Variants in CSMD1 observed in about 807,000 individuals in gnomAD.
CSMD1 encodes the protein CUB and Sushi multiple domains 1, also known as CUB and sushi domain-containing protein 1.
A neutral mutation model predicts 417.5 loss-of-function variants in CSMD1; 213 were observed. That is an observed-to-expected ratio of 0.51 (90% CI 0.46 to 0.57). The LOEUF (loss-of-function observed/expected upper bound fraction) is 0.57, where lower values mean the gene tolerates loss of function less well. Ranked by LOEUF, CSMD1 falls within the 20% of genes least tolerant of loss-of-function variation. CSMD1 has a pLI of 0.00. For missense variants in CSMD1, 6,923 were observed against 4,529.7 expected (o/e 1.53, Z -15.17); for synonymous variants, 2,862 against 1,736.8 (o/e 1.65, Z -16.11).
intron 5 of CSMD1, among the ~76,000 whole-genome samples, chr8:3,840,437 G>T (rs996085651): frequency 6.6e-6 from 1 of 152,236 alleles, no homozygotes; most frequent in Non-Finnish European, 1.5e-5. Flanking sequence ...TATTGTGTTA[G>T]TAGCAAGAGT....
chr8:4,641,031 C>T (rs1055172344), intron 1 of CSMD1, among the ~76,000 whole-genome samples: 2 of 151,284 alleles, frequency 1.3e-5, no homozygotes, highest in African/African-American at 4.8e-5. Context: ...ATTTCAATTT[C>T]AATTTCGATT....
chr8:3,940,841 G>C (rs1379946171), intron 5 of CSMD1, among the ~76,000 whole-genome samples: 1 of 151,038 alleles, frequency 6.6e-6, no homozygotes, highest in Non-Finnish European at 1.5e-5. Flanking sequence ...AACCCAAGAA[G>C]TTTATTAAAA....
chr8:4,153,530 C>G (rs982128648), intron 3 of CSMD1, among the ~76,000 whole-genome samples: 1 of 152,208 alleles, frequency 6.6e-6, no homozygotes, highest in Non-Finnish European at 1.5e-5. Context: ...AAAGCACCAG[C>G]TGGTCCCTCG....
intron 3 of CSMD1, among the ~76,000 whole-genome samples, chr8:4,329,401 A>G (rs1039544870): frequency 5.3e-5 from 8 of 152,124 alleles, no homozygotes; most frequent in African/African-American, 1.9e-4. Context: ...TGATTCTCCC[A>G]CCGCAGCCTC....
intron 10 of CSMD1, among the ~76,000 whole-genome samples, chr8:3,514,037 C>G (rs954531862): frequency 2.0e-5 from 3 of 152,126 alleles, no homozygotes; most frequent in African/African-American, 7.2e-5. Flanking sequence ...CTTATAATAG[C>G]ACACAGTTCT....
At chr8:4,253,999 C>T (rs1337764645) in intron 3 of CSMD1, among the ~76,000 whole-genome samples, 1 of 146,096 alleles carries the variant, frequency 6.8e-6, no homozygotes, top group African/African-American at 2.5e-5. Flanking sequence ...TCACTGCAAG[C>T]TCTGCCTCCA....
intron 3 of CSMD1, among the ~76,000 whole-genome samples, chr8:4,150,978 G>A (rs140963501): frequency 3.9e-5 from 6 of 152,106 alleles, no homozygotes; most frequent in African/African-American, 1.4e-4. Context: ...CCAGATACAG[G>A]ACTAGACATT....
chr8:4,237,727 A>T (rs1802153165), intron 3 of CSMD1, among the ~76,000 whole-genome samples: 1 of 152,134 alleles, frequency 6.6e-6, no homozygotes, highest in African/African-American at 2.4e-5. Flanking sequence ...TGACCAGGCT[A>T]GTCTCAAATT....
intron 3 of CSMD1, among the ~76,000 whole-genome samples, chr8:4,155,886 C>G (rs760808612): frequency 3.3e-4 from 50 of 152,176 alleles, no homozygotes; most frequent in Non-Finnish European, 5.9e-4. Flanking sequence ...ATAGCCCTCT[C>G]TGTTCCCAGT....
intron 2 of CSMD1, among the ~76,000 whole-genome samples, chr8:4,609,798 T>C (rs1235311585): frequency 1.3e-5 from 2 of 152,150 alleles, no homozygotes; most frequent in Admixed American, 6.5e-5. Flanking sequence ...ATCCAGATTA[T>C]GGTGAGAATA....
rs778499314 is a variant in CSMD1 at position 4,132,781 on chromosome 8, C to T, written c.416-100682G>A. Among the ~76,000 whole-genome samples, 13 of 152,264 alleles carry T rather than the reference C, an allele frequency of 8.5e-5. No homozygotes were observed. The South Asian group carries it at 1.2e-3, about 15-fold the overall frequency. On this transcript the variant is annotated intron_variant, in intron 3 of 69. Coordinates refer to ENST00000635120, the MANE Select transcript of CSMD1 (RefSeq NM_033225.6). ...GTTCTCTACAATCCGTTTAAAAAGA[C>T]ACAAACTGTGTGTGAATGTAAAGAA...
At chr8:4,906,404 T>C (rs1218510655) in intron 1 of CSMD1, among the ~76,000 whole-genome samples, 1 of 152,214 alleles carries the variant, frequency 6.6e-6, no homozygotes, top group Admixed American at 6.5e-5. Context: ...AAGGGATGAA[T>C]AGAGGTGGTC....
intron 18 of CSMD1, among the ~76,000 whole-genome samples, chr8:3,385,477 T>C (rs1056853499): frequency 6.6e-6 from 1 of 151,958 alleles, no homozygotes; most frequent in African/African-American, 2.4e-5. Context: ...TATCTTCTCT[T>C]TATAATATTT....
chr8:3,830,250 A>G (rs1242326026), intron 5 of CSMD1, among the ~76,000 whole-genome samples: 1 of 152,216 alleles, frequency 6.6e-6, no homozygotes, highest in Non-Finnish European at 1.5e-5. Context: ...TACATGATAG[A>G]GCAAAAATCA....
intron 5 of CSMD1, among the ~76,000 whole-genome samples, chr8:3,858,094 A>ACT (rs1457285569): frequency 6.6e-6 from 1 of 152,250 alleles, no homozygotes; most frequent in African/African-American, 2.4e-5. Context: ...TGTCCAATTG[A>ACT]ATTTTAATAA....
chr8:4,728,769 AT>A (rs1433649146), intron 1 of CSMD1, among the ~76,000 whole-genome samples: 2 of 152,164 alleles, frequency 1.3e-5, no homozygotes, highest in Non-Finnish European at 2.9e-5. Context: ...GAAAAAAAAA[AT>A]AACCAGATGT....
intron 11 of CSMD1, among the ~76,000 whole-genome samples, chr8:3,490,423 T>A (rs933345570): frequency 8.5e-5 from 13 of 152,214 alleles, no homozygotes; most frequent in African/African-American, 3.1e-4. Flanking sequence ...TCATAAGGCA[T>A]TACCTGCCTG....
At chr8:3,245,174 G>A (rs1279407150) in intron 26 of CSMD1, among the ~76,000 whole-genome samples, 2 of 152,142 alleles carry the variant, frequency 1.3e-5, no homozygotes, top group Non-Finnish European at 2.9e-5. Flanking sequence ...TCTGTAAATG[G>A]CACTCCTGTC....
At chr8:4,177,287 C>T (rs927907273) in intron 3 of CSMD1, among the ~76,000 whole-genome samples, 31 of 152,104 alleles carry the variant, frequency 2.0e-4, no homozygotes, top group African/African-American at 5.1e-4. Context: ...CACTCAAAAC[C>T]GCTCAACTAC....
Sources: gnomAD v4.1 joint callset for allele counts (sites outside exome capture counted in the v4.1 genomes callset) on GRCh38, gnomAD v4.1.1 for gene constraint, MANE v1.5 for transcripts, NCBI Gene and HGNC (gene_info 2026-07-23, HGNC 2026-07-21) for gene names.